Variants in UNC13C observed in about 807,000 individuals in gnomAD.
UNC13C encodes the protein unc-13 homolog C, also known as protein unc-13 homolog C.
In UNC13C, 174 loss-of-function variants were observed where a neutral mutation model predicts 245.4. The observed-to-expected ratio is 0.71, with a 90% CI of 0.63 to 0.80. The LOEUF is 0.80. UNC13C is among the 30% of genes least tolerant of loss of function. UNC13C has a pLI of 0.00. For missense variants in UNC13C, 2,829 were observed against 2,602.9 expected, an observed-to-expected ratio of 1.09 and a Z score of -1.89; for synonymous variants, 992 against 895.1, an observed-to-expected ratio of 1.11 and a Z score of -1.93.
chr15:54,457,917 T>C (rs1311734721), intron 19 of UNC13C, among the ~76,000 whole-genome samples: 2 of 151,472 alleles, frequency 1.3e-5, no homozygotes, highest in African/African-American at 2.4e-5. Flanking sequence ...CTTTTTTTTT[T>C]CTGCTACTGG....
At position 54,220,502 on chromosome 15, in the gene UNC13C, C is replaced by T. The variant is rs112078159; in HGVS notation, c.3072-14528C>T. On this transcript the variant is annotated intron_variant, in intron 4 of 32. Transcript: ENST00000260323. ...AGGAGATACACCTAATGCTAAATGA[C>T]GAGTTAATGGGTGCAGCACACCAGC... Among the ~76,000 whole-genome samples the T allele has an allele frequency of 3.0e-4, 45 of 150,320 alleles. 4 individuals carry two copies. Among genetic ancestry groups the T allele is most frequent in the African/African-American group, 9.6e-4 (39 of 40,596 alleles).
At chr15:54,009,674 G>A (rs989946701) in intron 1 of UNC13C, among the ~76,000 whole-genome samples, 4 of 151,790 alleles carry the variant, frequency 2.6e-5, no homozygotes, top group African/African-American at 7.3e-5. Flanking sequence ...AGCCTCCTGC[G>A]TAGCTGGGAC....
chr15:54,220,251 G>T (rs2035181018), intron 4 of UNC13C, among the ~76,000 whole-genome samples: 1 of 150,234 alleles, frequency 6.7e-6, no homozygotes, highest in Non-Finnish European at 1.5e-5. Flanking sequence ...ATACACCATG[G>T]AATACTATGC....
intron 2 of UNC13C, among the ~76,000 whole-genome samples, chr15:54,109,715 C>T (rs938600317): frequency 5.9e-5 from 9 of 152,086 alleles, no homozygotes; most frequent in African/African-American, 2.2e-4. Context: ...ACCTCATAAA[C>T]CCTATACACA....
At chr15:53,991,115 T>C (rs1470004951) in intron 1 of UNC13C, among the ~76,000 whole-genome samples, 1 of 152,030 alleles carries the variant, frequency 6.6e-6, no homozygotes, top group East Asian at 1.9e-4. Flanking sequence ...TATACTTCTT[T>C]CTGAATTATG....
chr15:54,063,494 A>G (rs1386826332), intron 2 of UNC13C, among the ~76,000 whole-genome samples: 2 of 152,106 alleles, frequency 1.3e-5, no homozygotes, highest in East Asian at 1.9e-4. Context: ...AGCTCTCGGT[A>G]AAGGATAGTG....
intron 30 of UNC13C, among the ~76,000 whole-genome samples, chr15:54,571,892 C>G (rs2141223461): frequency 6.6e-6 from 1 of 152,360 alleles, no homozygotes; most frequent in East Asian, 1.9e-4. Flanking sequence ...TCTACATATA[C>G]AGCACTCCAG....
At chr15:54,233,903 A>G (rs2035618417) in intron 4 of UNC13C, among the ~76,000 whole-genome samples, 1 of 152,214 alleles carries the variant, frequency 6.6e-6, no homozygotes, top group South Asian at 2.1e-4. Context: ...TTGTAGTTCA[A>G]GTAAGCATAA....
chr15:54,124,315 T>C (rs1181012611), intron 2 of UNC13C, among the ~76,000 whole-genome samples: 1 of 152,228 alleles, frequency 6.6e-6, no homozygotes, highest in Non-Finnish European at 1.5e-5. Context: ...GTATTGTCAC[T>C]GCTTTTTGTT....
chr15:53,872,533 T>C, the UNC13C span, among the ~76,000 whole-genome samples: 2 of 152,190 alleles, frequency 1.3e-5, no homozygotes, highest in Non-Finnish European at 2.9e-5. Flanking sequence ...TTATCTCTTT[T>C]ATGCCGTTTC....
At chr15:54,155,788 G>A (rs2032719602) in intron 4 of UNC13C, among the ~76,000 whole-genome samples, 1 of 152,144 alleles carries the variant, frequency 6.6e-6, no homozygotes, top group Admixed American at 6.5e-5. Flanking sequence ...TTATGGAGAA[G>A]GTGGAATTAA....
chr15:54,584,962 G>A (rs1898410581), intron 30 of UNC13C, among the ~76,000 whole-genome samples: 1 of 152,206 alleles, frequency 6.6e-6, no homozygotes, highest in Non-Finnish European at 1.5e-5. Flanking sequence ...AACATTTAAA[G>A]TGATGCTATG....
chr15:53,909,475 C>T, the UNC13C span, among the ~76,000 whole-genome samples: 5 of 146,558 alleles, frequency 3.4e-5, 1 homozygote, highest in East Asian at 5.9e-4. Flanking sequence ...AAACAGTGGC[C>T]GGGCGTGGTG....
chr15:53,978,093 C>A (rs190925964), upstream of UNC13C, among the ~76,000 whole-genome samples: 2 of 152,340 alleles, frequency 1.3e-5, no homozygotes, highest in Admixed American at 1.3e-4. Flanking sequence ...CAGTCAAGTA[C>A]ATCTAAAACA....
chr15:54,235,041 G>T lies in UNC13C; in HGVS notation c.3083G>T (p.Gly1028Val), dbSNP rs1215260528. The change falls in exon 5 of 33, where the codon GGA becomes GTA. Residue 1028 changes from glycine to valine, a missense_variant. Transcript: ENST00000260323. ...ATTTTGTCTTTCAGGGCTGGAGGTG[G>T]ACTTTATGGTATTGACAGCATGCCG... is the stretch of plus-strand genomic sequence containing the variant. ...ALQVCGGAGG[G>V]LYGIDSMPDL... 1 of 1,613,824 alleles carries T rather than the reference G, an allele frequency of 6.2e-7. No homozygotes were observed. Among genetic ancestry groups the T allele is most frequent in the Non-Finnish European group, 8.5e-7 (1 of 1,179,816 alleles).
chr15:54,296,375 TTTTTTTTA>T (rs1311510812), intron 11 of UNC13C, among the ~76,000 whole-genome samples: 7 of 101,456 alleles, frequency 6.9e-5, no homozygotes, highest in African/African-American at 4.3e-4. Context: ...TAATTTTTTT[TTTTTTTTA>T]TTTTTTTTTA....
At chr15:54,549,380 G>C (rs1045319844) in intron 27 of UNC13C, among the ~76,000 whole-genome samples, 2 of 152,046 alleles carry the variant, frequency 1.3e-5, no homozygotes, top group African/African-American at 4.8e-5. Flanking sequence ...CATTAAACTG[G>C]CTACATTAGT....
intron 11 of UNC13C, among the ~76,000 whole-genome samples, chr15:54,295,570 G>A (rs1204340285): frequency 1.3e-5 from 2 of 151,790 alleles, no homozygotes; most frequent in East Asian, 1.9e-4. Flanking sequence ...AGGATCACTC[G>A]AATCCAGGAC....
intron 4 of UNC13C, among the ~76,000 whole-genome samples, chr15:54,225,109 TG>T (rs1300080677): frequency 6.6e-6 from 1 of 151,920 alleles, no homozygotes; most frequent in Non-Finnish European, 1.5e-5. Flanking sequence ...ATTGATCTTT[TG>T]TATTATTTGT....
Sources: gnomAD v4.1 joint callset for allele counts (sites outside exome capture counted in the v4.1 genomes callset) on GRCh38, gnomAD v4.1.1 for gene constraint, MANE v1.5 for transcripts, NCBI Gene and HGNC (gene_info 2026-07-23, HGNC 2026-07-21) for gene names.